Variants in GNG5 observed in about 807,000 individuals in gnomAD.
The protein encoded by GNG5 is guanine nucleotide-binding protein G(I)/G(S)/G(O) subunit gamma-5.
In GNG5, 2 loss-of-function variants were observed where a neutral mutation model predicts 6.2. That is an observed-to-expected ratio of 0.32 (90% CI 0.13 to 1.01). GNG5 has a LOEUF of 1.01. Among genes scored for constraint, GNG5 ranks in the 50% least tolerant of loss-of-function variants. The probability of loss-of-function intolerance (pLI) is 0.48; values close to 1 mark genes in which losing one functional copy is unlikely to be tolerated. For missense variants in GNG5, 57 were observed against 80.2 expected (o/e 0.71, Z 1.10); for synonymous variants, 24 against 33.0 (o/e 0.73, Z 0.93).
intron 2 of GNG5, among the ~76,000 whole-genome samples, chr1:84,505,643 A>C (rs1402070265): frequency 6.6e-6 from 1 of 152,236 alleles, no homozygotes; most frequent in African/African-American, 2.4e-5. Context: ...GAGGCTGGCA[A>C]AGTGGGAAAG....
At chr1:84,499,351 G>A (rs1682005182) in intron 3 of GNG5, among the ~76,000 whole-genome samples, 1 of 152,154 alleles carries the variant, frequency 6.6e-6, no homozygotes, top group Non-Finnish European at 1.5e-5. Context: ...GGTTTGTTAG[G>A]ACTCAAGGAA....
chr1:84,502,143 T>G (rs1399895547), intron 2 of GNG5, among the ~76,000 whole-genome samples, 173 bp from the exon 3 acceptor site: 2 of 147,242 alleles, frequency 1.4e-5, no homozygotes, highest in African/African-American at 5.0e-5. Context: ...TTTTTTTTTT[T>G]TTTTTTTTTT....
At chr1:84,503,329 T>C (rs1238801391) in intron 2 of GNG5, among the ~76,000 whole-genome samples, 1 of 152,228 alleles carries the variant, frequency 6.6e-6, no homozygotes, top group Non-Finnish European at 1.5e-5. Flanking sequence ...GCATCACAAA[T>C]GCTCTCTATA....
At position 84,506,078 on chromosome 1, in the gene GNG5, G is replaced by C. The variant is rs1452914413; in HGVS notation, c.14C>G (p.Ser5Cys). Residue 5 changes from serine to cysteine, a missense_variant, in exon 2 of 4, where the codon TCC (serine) becomes TGC (cysteine). Physicochemically the swap from Ser to Cys is moderately radical, Grantham distance 112 (BLOSUM62 -1). Transcript: ENST00000370645. The part of the protein sequence containing the change: MSGS[S>C]SVAAMKKVVQ... ...CACTTTCTTCATAGCGGCGACGCTG[G>C]AGGAGCCAGACATGGTGCACGCGAC... The C allele has an allele frequency of 1.3e-6, 2 of 1,577,926 alleles. No individual in the cohort carries two copies. The highest frequency in any genetic ancestry group is 1.1e-5 in the South Asian group (1 of 87,496).
intron 3 of GNG5, among the ~76,000 whole-genome samples, chr1:84,501,066 T>C (rs1682047470): frequency 6.6e-6 from 1 of 152,232 alleles, no homozygotes; most frequent in Non-Finnish European, 1.5e-5. Flanking sequence ...TAGATTAACA[T>C]ACATTTTGTA....
In GNG5 at chr1:84,506,100, C is replaced by G; in HGVS notation, c.-9G>C. 1 of 1,571,808 alleles carries G rather than the reference C, an allele frequency of 6.4e-7. No individual in the cohort carries two copies. The highest frequency in any genetic ancestry group is 1.8e-5 in the Admixed American group (1 of 55,030). On this transcript the variant is annotated 5_prime_UTR_variant, in exon 2 of 4. Transcript: ENST00000370645. Reference sequence around the variant, plus strand: ...CTGGAGGAGCCAGACATGGTGCACGCGACGGCCGGGCCGATTCGTGGGTCG... The same window carrying G: ...CTGGAGGAGCCAGACATGGTGCACGGGACGGCCGGGCCGATTCGTGGGTCG...
intron 3 of GNG5, among the ~76,000 whole-genome samples, chr1:84,499,470 C>CT (rs1558550162): frequency 6.6e-6 from 1 of 152,148 alleles, no homozygotes; most frequent in Non-Finnish European, 1.5e-5. Context: ...CTTCTAGAAA[C>CT]TTAATAGAGG....
Position 84,501,989 on chromosome 1 carries a change from G to C in GNG5, c.82-19C>G, listed in dbSNP as rs776848479. On this transcript the variant is annotated intron_variant, in intron 2 of 3. Coordinates refer to ENST00000370645, the MANE Select transcript of GNG5 (RefSeq NM_005274.3). ...GGGAAACCTATACATAACAAAGAGG[G>C]GGGGAAGTGCCAGATGGTGAGAACA... 9.4e-6 allele frequency: 15 copies of C among 1,600,440 alleles called. No homozygotes were observed. The highest frequency in any genetic ancestry group is 2.2e-5 in the East Asian group (1 of 44,752).
chr1:84,501,991 G>A (rs1682066491), intron 2 of GNG5, 21 bp from the exon 3 acceptor site: 1 of 1,599,600 alleles, frequency 6.3e-7, no homozygotes. Flanking sequence ...CAAAGAGGGG[G>A]GGAAGTGCCA....
intron 3 of GNG5, 69 bp downstream of exon 3, chr1:84,501,757 G>A (rs1682061214): frequency 2.1e-6 from 2 of 937,134 alleles, no homozygotes; most frequent in Non-Finnish European, 3.4e-6. Context: ...TCTTTTAAGT[G>A]CTGCAAAGAA....
At chr1:84,499,189 C>T (rs1259201331) in intron 3 of GNG5, among the ~76,000 whole-genome samples, 2 of 152,080 alleles carry the variant, frequency 1.3e-5, no homozygotes, top group Non-Finnish European at 2.9e-5. Flanking sequence ...AAAATTAAAA[C>T]ATGAGCATAC....
Position 84,505,969 on chromosome 1 carries a change from G to A in GNG5, c.81+42C>T. The stretch of plus-strand genomic sequence containing the variant: ...GCTGGGCCGCCGGATCCCACCCGCC[G>A]CCGCCGCCTTCCTCCCGCCTCGGCC... On this transcript the variant is annotated intron_variant, in intron 2 of 3. Transcript: ENST00000370645. 1.3e-5 allele frequency: 16 copies of A among 1,198,270 alleles called. 1 individual carries two copies. The highest frequency in any genetic ancestry group is 1.8e-5 in the Non-Finnish European group (16 of 876,212). The allele number at this position is 1,198,270 out of a possible 1,614,324, so 74.2% of individuals were successfully genotyped here.
chr1:84,506,225 A>C lies in GNG5; in HGVS notation c.-134T>G, dbSNP rs1416662316. The C allele has an allele frequency of 6.4e-6, 4 of 622,326 alleles. No homozygotes were observed. Among genetic ancestry groups the C allele is most frequent in the South Asian group, 5.9e-5 (2 of 34,044 alleles). The allele number at this position is 622,326 out of a possible 1,614,324, so 38.6% of individuals were successfully genotyped here. On this transcript the variant is annotated 5_prime_UTR_variant, in exon 2 of 4. Coordinates refer to ENST00000370645, the MANE Select transcript of GNG5 (RefSeq NM_005274.3). ...TCTCTAAGTTTCCGGTTCTGTGCTCAGCGGCTCCACCCTCGGTGCGCATGC... is the reference window on the plus strand; with the variant it reads ...TCTCTAAGTTTCCGGTTCTGTGCTCCGCGGCTCCACCCTCGGTGCGCATGC...
chr1:84,499,151 A>G (rs1682001119), intron 3 of GNG5, among the ~76,000 whole-genome samples: 1 of 152,228 alleles, frequency 6.6e-6, no homozygotes, highest in Non-Finnish European at 1.5e-5. Flanking sequence ...AAAAAATGAA[A>G]ACATTAAATT....
At chr1:84,499,360 A>G (rs932820646) in intron 3 of GNG5, among the ~76,000 whole-genome samples, 8 of 152,216 alleles carry the variant, frequency 5.3e-5, no homozygotes, top group Non-Finnish European at 1.2e-4. Flanking sequence ...GGACTCAAGG[A>G]AAAAACATTC....
chr1:84,502,015 T>G (rs779432316), intron 2 of GNG5, 45 bp from the exon 3 acceptor site: 2 of 1,514,352 alleles, frequency 1.3e-6, no homozygotes, highest in Non-Finnish European at 1.8e-6. Flanking sequence ...GGTGAGAACA[T>G]TTTAATGAAG....
intron 2 of GNG5, among the ~76,000 whole-genome samples, chr1:84,505,721 G>GT (rs1682178675): frequency 1.3e-5 from 2 of 152,336 alleles, no homozygotes; most frequent in South Asian, 4.1e-4. Context: ...GCCAAGGGAG[G>GT]TAGAGACGGA....
At chr1:84,499,148 G>A (rs1001489782) in intron 3 of GNG5, among the ~76,000 whole-genome samples, 1 of 152,042 alleles carries the variant, frequency 6.6e-6, no homozygotes, top group African/African-American at 2.4e-5. Flanking sequence ...TTTAAAAAAT[G>A]AAAACATTAA....
At chr1:84,501,779 G>A in intron 3 of GNG5, 47 bp downstream of exon 3, 1 of 1,157,630 alleles carries the variant, frequency 8.6e-7, no homozygotes, top group Non-Finnish European at 1.3e-6. Flanking sequence ...GAGAAGACTA[G>A]TTATTCCTAC....
Sources: gnomAD v4.1 joint callset for allele counts (sites outside exome capture counted in the v4.1 genomes callset) on GRCh38, gnomAD v4.1.1 for gene constraint, MANE v1.5 for transcripts, NCBI Gene and HGNC (gene_info 2026-07-23, HGNC 2026-07-21) for gene names.